DCLRE1C: variants seen among roughly 807,000 people sequenced by gnomAD.
DCLRE1C encodes protein artemis.
In DCLRE1C, 47 loss-of-function variants were observed where a neutral mutation model predicts 61.4. That is an observed-to-expected ratio of 0.77 (90% CI 0.61 to 0.98). DCLRE1C has a LOEUF of 0.98. DCLRE1C is among the 50% of genes least tolerant of loss of function. The probability of loss-of-function intolerance (pLI) is 0.00; values close to 1 mark genes in which losing one functional copy is unlikely to be tolerated. For synonymous variants in DCLRE1C, 337 were observed against 287.6 expected (o/e 1.17, Z -1.74); for missense variants, 858 against 816.0 (o/e 1.05, Z -0.63).
intron 2 of DCLRE1C, 84 bp downstream of exon 2, chr10:14,948,952 G>A: frequency 1.1e-6 from 1 of 944,532 alleles, no homozygotes; most frequent in South Asian, 1.3e-5. Context: ...ATGACTATAT[G>A]CTTGGATGTA....
intron 13 of DCLRE1C, among the ~76,000 whole-genome samples, chr10:14,913,971 T>C (rs971342766): frequency 6.6e-6 from 1 of 152,142 alleles, no homozygotes; most frequent in Non-Finnish European, 1.5e-5. Flanking sequence ...CAGTCAGTAA[T>C]TACTTGACCT....
At chr10:14,920,179 C>T (rs1836865121) in intron 12 of DCLRE1C, among the ~76,000 whole-genome samples, 1 of 152,128 alleles carries the variant, frequency 6.6e-6, no homozygotes, top group Non-Finnish European at 1.5e-5. Flanking sequence ...TCCTGAAAAC[C>T]TATGAATACA....
chr10:14,925,939 C>T (rs41298912), intron 11 of DCLRE1C, among the ~76,000 whole-genome samples: 175 of 152,296 alleles, frequency 1.1e-3, no homozygotes, highest in African/African-American at 3.9e-3. Context: ...GGGTGGCTAC[C>T]TCCATACTGT....
At chr10:14,952,356 G>A (rs1196444852) in intron 1 of DCLRE1C, among the ~76,000 whole-genome samples, 1 of 152,160 alleles carries the variant, frequency 6.6e-6, no homozygotes, top group Non-Finnish European at 1.5e-5. Flanking sequence ...GGAGGCTGAG[G>A]TGGGTGGATC....
At position 14,945,164 on chromosome 10, in the gene DCLRE1C, G is replaced by T; in HGVS notation, c.187C>A (p.Pro63Thr). ...CSLKVYLYCS[P>T]VTKELLLTSP... is the part of the protein sequence containing the mutation. ...GTTAACAACAACTCCTTAGTCACAG[G>T]TGAACAGTATAGATAAACCTTCAAG... The change falls in exon 3 of 14, where the codon CCT becomes ACT. Residue 63 changes from proline (P) to threonine (T), a missense_variant. Pro to Thr is a conservative substitution (Grantham distance 38). Transcript: ENST00000378278. 4 of 1,612,932 alleles carry T rather than the reference G, an allele frequency of 2.5e-6. No homozygotes were observed. The highest frequency in any genetic ancestry group is 3.4e-6 in the Non-Finnish European group (4 of 1,179,516).
rs140297712 is a variant in DCLRE1C at position 14,905,210 on chromosome 10, C to T, written c.*3198G>A. Among the ~76,000 whole-genome samples, 31 of 152,338 alleles carry T rather than the reference C, an allele frequency of 2.0e-4. No individual in the cohort carries two copies. In the East Asian group the frequency reaches 4.8e-3, roughly 24 times the overall value. ...TTTAAGATAGCTTTCATGGTTCATG[C>T]ATTTGATACTACACTTGATCTTGGC... On this transcript the variant is annotated 3_prime_UTR_variant, in exon 14 of 14. Transcript: ENST00000378278.
exon 14 of DCLRE1C, chr10:14,897,610 C>G (rs898314234): frequency 3.8e-6 from 4 of 1,056,258 alleles, no homozygotes; most frequent in Non-Finnish European, 5.0e-6. Context: ...ATACTTGGTA[C>G]ATTTTGATAT....
At chr10:14,937,656 C>A (rs1390493424) in intron 4 of DCLRE1C, among the ~76,000 whole-genome samples, 4 of 152,038 alleles carry the variant, frequency 2.6e-5, no homozygotes, top group Admixed American at 2.6e-4. Flanking sequence ...TTTGGGAGGC[C>A]AAGGTGAACG....
At chr10:14,914,692 C>T (rs1008888043) in intron 13 of DCLRE1C, among the ~76,000 whole-genome samples, 22 of 152,080 alleles carry the variant, frequency 1.4e-4, no homozygotes, top group Admixed American at 4.6e-4. Context: ...CGCCTGTAAT[C>T]CCAACATTTT....
intron 13 of DCLRE1C, among the ~76,000 whole-genome samples, chr10:14,917,675 T>C (rs1836428045): frequency 6.6e-6 from 1 of 152,024 alleles, no homozygotes; most frequent in South Asian, 2.1e-4. Flanking sequence ...AATATAAAAA[T>C]TAGCCAGGCA....
intron 12 of DCLRE1C, chr10:14,920,507 C>T (rs982020749): frequency 1.2e-6 from 1 of 826,020 alleles, no homozygotes. Context: ...TACAGCCACC[C>T]CCATTTTACG....
At chr10:14,911,113 A>G (rs1480927661) in intron 13 of DCLRE1C, 1 of 152,354 alleles carries the variant, frequency 6.6e-6, no homozygotes, top group African/African-American at 2.4e-5. Context: ...ACTAAGCAGC[A>G]TGTGCTTGTA....
In DCLRE1C at chr10:14,909,248, A is replaced by C. The variant is rs768647014; in HGVS notation, c.1239T>G (p.Pro413=). 1 of 1,613,780 alleles carries C rather than the reference A, an allele frequency of 6.2e-7. No homozygotes were observed. The highest frequency in any genetic ancestry group is 1.1e-5 in the South Asian group (1 of 90,998). Residue 413 remains proline (P), a synonymous_variant, in exon 14 of 14, where the codon CCT becomes CCG. Coordinates refer to ENST00000378278, the MANE Select transcript of DCLRE1C (RefSeq NM_001033855.3). The part of the protein sequence containing the change: ...HKVPYPETFH[P]EVFSMTAVSE... The stretch of plus-strand genomic sequence containing the variant: ...ATACTGCAGTCATTGAAAATACCTC[A>C]GGGTGAAAAGTTTCCGGGTATGGAA...
chr10:14,939,089 G>A (rs944624939), intron 4 of DCLRE1C, among the ~76,000 whole-genome samples: 2 of 152,146 alleles, frequency 1.3e-5, no homozygotes, highest in African/African-American at 4.8e-5. Flanking sequence ...ACACCCAGGG[G>A]AGCTTGTCTG....
At chr10:14,939,199 G>T (rs1054777736) in intron 4 of DCLRE1C, among the ~76,000 whole-genome samples, 2 of 152,160 alleles carry the variant, frequency 1.3e-5, no homozygotes, top group Non-Finnish European at 2.9e-5. Flanking sequence ...AACTTTGGGA[G>T]GCCAAGGCAG....
intron 13 of DCLRE1C, among the ~76,000 whole-genome samples, chr10:14,913,568 T>C (rs1434548176): frequency 6.6e-6 from 1 of 152,234 alleles, no homozygotes; most frequent in Non-Finnish European, 1.5e-5. Context: ...CACTCTGATA[T>C]GTTAAAGATG....
intron 1 of DCLRE1C, among the ~76,000 whole-genome samples, chr10:14,952,700 C>T (rs895971025): frequency 6.6e-6 from 1 of 151,940 alleles, no homozygotes; most frequent in African/African-American, 2.4e-5. Flanking sequence ...CAAAGGGAGA[C>T]CCTGTCTCCA....
At chr10:14,930,560 G>C (rs767615566) in intron 9 of DCLRE1C, among the ~76,000 whole-genome samples, 4 of 151,932 alleles carry the variant, frequency 2.6e-5, no homozygotes, top group Non-Finnish European at 4.4e-5. Flanking sequence ...AGCCTCCCTA[G>C]TAGCTAGGGC....
rs761574174 is a variant in DCLRE1C at position 14,936,503 on chromosome 10, A to C, written c.362+35T>G. The stretch of plus-strand genomic sequence containing the variant: ...TTCTACAAATACAATATGTGTCTAC[A>C]TATAATAAAATGACAAAATAAATGA... On this transcript the variant is annotated intron_variant, in intron 5 of 13. Transcript: ENST00000378278. The C allele has an allele frequency of 1.5e-5, 23 of 1,556,904 alleles. No individual in the cohort carries two copies. The Admixed American group carries it at 3.8e-4, about 26-fold the overall frequency.
Sources: allele counts gnomAD v4.1 joint callset (sites outside exome capture counted in the v4.1 genomes callset), GRCh38; gene constraint gnomAD v4.1.1; transcripts MANE v1.5; gene names NCBI Gene and HGNC (gene_info 2026-07-23, HGNC 2026-07-21).